ENTHD1: variants seen among roughly 807,000 people sequenced by gnomAD.
ENTHD1 encodes the protein ENTH domain-containing protein 1.
ENTHD1 carries 23 observed loss-of-function variants against 39.1 expected under a neutral mutation model. That is an observed-to-expected ratio of 0.59 (90% CI 0.42 to 0.83). The LOEUF (loss-of-function observed/expected upper bound fraction) is 0.83, where lower values mean the gene tolerates loss of function less well. Among genes scored for constraint, ENTHD1 ranks in the 40% least tolerant of loss-of-function variants. The pLI is 0.00. For missense variants in ENTHD1, 624 were observed against 705.4 expected, an observed-to-expected ratio of 0.88 and a Z score of 1.31; for synonymous variants, 230 against 258.2, an observed-to-expected ratio of 0.89 and a Z score of 1.05.
intron 2 of ENTHD1, among the ~76,000 whole-genome samples, chr22:39,883,043 TACAC>T (rs2066352542): frequency 7.7e-6 from 1 of 129,618 alleles, no homozygotes; most frequent in Admixed American, 7.6e-5. Flanking sequence ...GAAAAGAAAA[TACAC>T]AAAGAGAAAT....
Position 39,782,219 on chromosome 22 carries a change from A to G in ENTHD1, c.833-16610T>C, listed in dbSNP as rs192502356. Among the ~76,000 whole-genome samples the G allele has an allele frequency of 1.4e-4, 22 of 152,272 alleles. No individual in the cohort carries two copies. In the East Asian group the frequency reaches 3.3e-3, roughly 23 times the overall value. On this transcript the variant is annotated intron_variant, in intron 5 of 6. Transcript: ENST00000325157. Reference sequence around the variant, plus strand: ...CAAGAATCGCTTAAACCTGGGAGGTAAAAGTTGCAATGGGCTGAGATTGTG... The same window carrying G: ...CAAGAATCGCTTAAACCTGGGAGGTGAAAGTTGCAATGGGCTGAGATTGTG...
intron 5 of ENTHD1, among the ~76,000 whole-genome samples, chr22:39,787,869 A>G (rs1271271519): frequency 6.6e-6 from 1 of 152,236 alleles, no homozygotes; most frequent in Non-Finnish European, 1.5e-5. Flanking sequence ...ACTAAACAAC[A>G]GATTTTCAAT....
intron 5 of ENTHD1, among the ~76,000 whole-genome samples, chr22:39,781,935 A>G (rs949355979): frequency 6.6e-6 from 1 of 152,124 alleles, no homozygotes; most frequent in Non-Finnish European, 1.5e-5. Flanking sequence ...TCCTGGACAT[A>G]TACAACCTAC....
intron 2 of ENTHD1, among the ~76,000 whole-genome samples, chr22:39,881,708 G>A (rs2066340230): frequency 6.6e-6 from 1 of 152,122 alleles, no homozygotes; most frequent in South Asian, 2.1e-4. Flanking sequence ...GAAGCGCTAT[G>A]GGGAAAAACG....
At chr22:39,802,176 G>A (rs1456716577) in intron 5 of ENTHD1, among the ~76,000 whole-genome samples, 3 of 152,184 alleles carry the variant, frequency 2.0e-5, no homozygotes, top group Non-Finnish European at 4.4e-5. Flanking sequence ...TCCCCATCAT[G>A]AGGGTCATGG....
chr22:39,788,380 T>C (rs2065476253), intron 5 of ENTHD1, among the ~76,000 whole-genome samples: 2 of 152,118 alleles, frequency 1.3e-5, no homozygotes, highest in African/African-American at 4.8e-5. Context: ...AAACTGCAGA[T>C]GTGGTGGAAA....
chr22:39,822,700 G>A (rs1440351311), intron 4 of ENTHD1, among the ~76,000 whole-genome samples: 5 of 152,000 alleles, frequency 3.3e-5, no homozygotes, highest in Non-Finnish European at 4.4e-5. Context: ...ATCTTTTTGT[G>A]GACAAATGCA....
intron 4 of ENTHD1, among the ~76,000 whole-genome samples, chr22:39,827,660 T>C (rs1042269712): frequency 1.3e-5 from 2 of 152,140 alleles, no homozygotes; most frequent in African/African-American, 4.8e-5. Flanking sequence ...TTGATAACAG[T>C]ATTTGCAAAG....
At chr22:39,800,749 G>A (rs11703400) in intron 5 of ENTHD1, among the ~76,000 whole-genome samples, 15,556 of 152,126 alleles carry the variant, frequency 0.1, 934 homozygotes, top group Middle Eastern at 0.14. Context: ...GTTCTGTTTC[G>A]CCCTTAGAGA....
intron 5 of ENTHD1, among the ~76,000 whole-genome samples, chr22:39,784,543 TACACACACACACACACAC>T (rs3044403): frequency 2.1e-5 from 3 of 142,256 alleles, no homozygotes; most frequent in African/African-American, 7.9e-5. Flanking sequence ...TCTCTCTGTA[TACACACACACACACACAC>T]ACACACACAC....
At chr22:39,835,559 C>A (rs556456823) in intron 4 of ENTHD1, among the ~76,000 whole-genome samples, 2 of 152,002 alleles carry the variant, frequency 1.3e-5, no homozygotes, top group African/African-American at 4.8e-5. Flanking sequence ...ATATTTAAAG[C>A]CTTGAATAAC....
intron 5 of ENTHD1, among the ~76,000 whole-genome samples, chr22:39,787,054 T>G (rs1237542947): frequency 7.8e-5 from 7 of 89,794 alleles, no homozygotes; most frequent in Non-Finnish European, 1.4e-4. Flanking sequence ...TTCATGTCTC[T>G]GTCATATTTT....
chr22:39,874,626 G>A (rs2146751150), intron 2 of ENTHD1: 1 of 152,164 alleles, frequency 6.6e-6, no homozygotes, highest in Middle Eastern at 3.4e-3. Flanking sequence ...ATGTCTATCT[G>A]ACAAAGAACT....
chr22:39,863,284 A>T (rs1272762298), intron 2 of ENTHD1, among the ~76,000 whole-genome samples: 2 of 152,210 alleles, frequency 1.3e-5, no homozygotes, highest in African/African-American at 4.8e-5. Flanking sequence ...TTACAGGGGT[A>T]CAGTTGGGGT....
chr22:39,887,463 CCT>C lies in ENTHD1; in HGVS notation c.284_285del (p.Glu95GlyfsTer4). 6.2e-7 allele frequency: 1 copy of C among 1,614,096 alleles called. No homozygotes were observed. Among genetic ancestry groups the C allele is most frequent in the East Asian group, 2.2e-5 (1 of 44,878 alleles). On this transcript the variant is annotated frameshift_variant, in exon 2 of 7. Transcript: ENST00000325157. LOFTEE classifies it high-confidence loss of function. ...TTTAGTGTTTGAAGGTTACAGAACC[CCT>C]CTCTGCAATGCTGAATAACTTTCTT... is the stretch of plus-strand genomic sequence containing the variant. The part of the protein sequence containing the change: ...GSKKVIQHCR[E>X]GFCNLQTLKD...
rs547229617 is a variant in ENTHD1 at position 39,819,402 on chromosome 22, GA to G, written c.832+1590del. On this transcript the variant is annotated intron_variant, in intron 5 of 6. Coordinates refer to ENST00000325157, the MANE Select transcript of ENTHD1 (RefSeq NM_152512.4). ...AAAACAAAAAAAGAAAAGAAACAAA[GA>G]AAAAAAAAAGACAGAAAAGAGCTAT... is the stretch of plus-strand genomic sequence containing the variant. Among the ~76,000 whole-genome samples, 391 of 115,200 alleles carry G rather than the reference GA, an allele frequency of 3.4e-3. 1 individual carries two copies. The highest frequency in any genetic ancestry group is 0.011 in the African/African-American group (351 of 31,080). The allele number at this position is 115,200 out of a possible 152,430, so 75.6% of individuals were successfully genotyped here.
intron 4 of ENTHD1, among the ~76,000 whole-genome samples, chr22:39,834,659 C>G (rs1040323480): frequency 6.6e-5 from 10 of 152,010 alleles, no homozygotes; most frequent in African/African-American, 2.4e-4. Context: ...AAACTTCACA[C>G]AAAAATATGT....
intron 5 of ENTHD1, among the ~76,000 whole-genome samples, chr22:39,808,642 G>C (rs913148285): frequency 3.3e-5 from 5 of 152,128 alleles, no homozygotes. Context: ...TTAGTAATGG[G>C]AAAAAGTTTA....
intron 3 of ENTHD1, among the ~76,000 whole-genome samples, chr22:39,848,172 C>A (rs1357970782): frequency 6.6e-6 from 1 of 152,222 alleles, no homozygotes; most frequent in Admixed American, 6.5e-5. Context: ...TGCTTCAAAT[C>A]CTTATCACAC....
Sources: gnomAD v4.1 joint callset for allele counts (sites outside exome capture counted in the v4.1 genomes callset) on GRCh38, gnomAD v4.1.1 for gene constraint, MANE v1.5 for transcripts, NCBI Gene and HGNC (gene_info 2026-07-23, HGNC 2026-07-21) for gene names.